APBA1: variants seen among roughly 807,000 people sequenced by gnomAD.
APBA1 encodes amyloid-beta A4 precursor protein-binding family A member 1.
Under a neutral mutation model 86.6 loss-of-function variants are expected in APBA1, and 55 were observed. The observed-to-expected ratio is 0.64, with a 90% CI of 0.51 to 0.80. The LOEUF (loss-of-function observed/expected upper bound fraction) is 0.80, where lower values mean the gene tolerates loss of function less well. Ranked by LOEUF, APBA1 falls within the 30% of genes least tolerant of loss-of-function variation. APBA1 has a pLI of 0.00. For synonymous variants in APBA1, 511 were observed against 493.9 expected, an observed-to-expected ratio of 1.03 and a Z score of -0.46; for missense variants, 1,090 against 1,183.0, an observed-to-expected ratio of 0.92 and a Z score of 1.15.
chr9:69,569,145 A>G (rs1837075923), intron 1 of APBA1, among the ~76,000 whole-genome samples: 1 of 152,214 alleles, frequency 6.6e-6, no homozygotes, highest in African/African-American at 2.4e-5. Flanking sequence ...TTCTTCCCTG[A>G]AAAGGAAAGT....
At chr9:69,511,987 T>C (rs1836053927) in intron 2 of APBA1, among the ~76,000 whole-genome samples, 1 of 151,838 alleles carries the variant, frequency 6.6e-6, no homozygotes, top group Non-Finnish European at 1.5e-5. Flanking sequence ...GACGAGTTAG[T>C]GGGTGCAGCG....
At chr9:69,518,053 T>C (rs1227731439) in intron 1 of APBA1, among the ~76,000 whole-genome samples, 1 of 152,132 alleles carries the variant, frequency 6.6e-6, no homozygotes, top group East Asian at 1.9e-4. Flanking sequence ...TAGCAGCTGG[T>C]TTCTAATAGT....
chr9:69,553,918 T>G (rs568295466), intron 1 of APBA1, among the ~76,000 whole-genome samples: 1 of 152,312 alleles, frequency 6.6e-6, no homozygotes, highest in African/African-American at 2.4e-5. Context: ...TATATGGTCT[T>G]ATTGGTTTTT....
chr9:69,654,920 A>G (rs1387408941), intron 1 of APBA1, among the ~76,000 whole-genome samples: 1 of 152,230 alleles, frequency 6.6e-6, no homozygotes, highest in African/African-American at 2.4e-5. Context: ...ATCAATTAAC[A>G]TGATACGTCA....
At chr9:69,629,754 A>C (rs1823002252) in intron 1 of APBA1, among the ~76,000 whole-genome samples, 1 of 152,204 alleles carries the variant, frequency 6.6e-6, no homozygotes, top group Admixed American at 6.5e-5. Context: ...TACCCCAGTA[A>C]ATGAGACTAT....
chr9:69,522,002 G>A (rs536537806), intron 1 of APBA1, among the ~76,000 whole-genome samples: 1 of 151,564 alleles, frequency 6.6e-6, no homozygotes, highest in African/African-American at 2.4e-5. Context: ...CTTTGTGCCC[G>A]CTGTGCTTTT....
intron 1 of APBA1, among the ~76,000 whole-genome samples, chr9:69,622,953 G>A (rs986496774): frequency 6.6e-6 from 1 of 152,142 alleles, no homozygotes. Context: ...ATTAGCACAG[G>A]CAGCAACAGA....
intron 10 of APBA1, among the ~76,000 whole-genome samples, chr9:69,445,101 G>C (rs189108815): frequency 3.3e-5 from 5 of 152,312 alleles, no homozygotes; most frequent in Admixed American, 2.6e-4. Context: ...GTGTGATACA[G>C]AAAATGTTAC....
chr9:69,541,327 T>C (rs1836608870), intron 1 of APBA1, among the ~76,000 whole-genome samples: 1 of 150,286 alleles, frequency 6.7e-6, no homozygotes, highest in Admixed American at 6.6e-5. Context: ...GGGTTTCCAA[T>C]TTCTCCACAT....
intron 1 of APBA1, among the ~76,000 whole-genome samples, chr9:69,652,575 A>G (rs1436786374): frequency 6.6e-6 from 1 of 152,262 alleles, no homozygotes; most frequent in East Asian, 1.9e-4. Context: ...AGGATCTGCA[A>G]AACAACCAGA....
intron 5 of APBA1, among the ~76,000 whole-genome samples, chr9:69,459,922 G>A (rs1010232649): frequency 2.0e-5 from 3 of 152,196 alleles, no homozygotes; most frequent in Non-Finnish European, 4.4e-5. Flanking sequence ...GCAATTTCTT[G>A]CCTTTTGCTA....
chr9:69,529,452 G>C (rs1244611994), intron 1 of APBA1, among the ~76,000 whole-genome samples: 1 of 152,032 alleles, frequency 6.6e-6, no homozygotes, highest in Non-Finnish European at 1.5e-5. Flanking sequence ...AACAGGAAAA[G>C]AAATATAATG....
intron 1 of APBA1, among the ~76,000 whole-genome samples, chr9:69,569,109 G>A (rs1303788387): frequency 6.6e-6 from 1 of 152,128 alleles, no homozygotes; most frequent in African/African-American, 2.4e-5. Context: ...CATCCGCTAG[G>A]GTTTCCGTTT....
chr9:69,662,021 AACACACACACACAC>A (rs3069250), intron 1 of APBA1, among the ~76,000 whole-genome samples: 1 of 146,644 alleles, frequency 6.8e-6, no homozygotes, highest in Non-Finnish European at 1.5e-5. Flanking sequence ...GACAAACAGT[AACACACACACACAC>A]ACACACACAC....
chr9:69,560,854 CA>C (rs1183053017), intron 1 of APBA1, among the ~76,000 whole-genome samples: 1 of 152,136 alleles, frequency 6.6e-6, no homozygotes, highest in African/African-American at 2.4e-5. Context: ...TGGAGCATTT[CA>C]GATTTAAAAT....
At chr9:69,501,993 T>C (rs895789501) in intron 2 of APBA1, among the ~76,000 whole-genome samples, 16 of 152,204 alleles carry the variant, frequency 1.1e-4, no homozygotes, top group African/African-American at 3.9e-4. Flanking sequence ...AAATCGTCCA[T>C]TTATTTCCCT....
At chr9:69,470,512 G>A (rs943828736) in intron 4 of APBA1, among the ~76,000 whole-genome samples, 1 of 152,124 alleles carries the variant, frequency 6.6e-6, no homozygotes, top group South Asian at 2.1e-4. Flanking sequence ...GAATTTCAGG[G>A]CCTCACAAAA....
At position 69,506,203 on chromosome 9, in the gene APBA1, G is replaced by A. The variant is rs187992197; in HGVS notation, c.1200+9808C>T. On this transcript the variant is annotated intron_variant, in intron 2 of 12. Coordinates refer to ENST00000265381, the MANE Select transcript of APBA1 (RefSeq NM_001163.4). ...TGCCAGACAGTGGGCGCAGGTCAGT[G>A]GGTGCGCGCACCGTGCGCGAGCCAA... 3.2e-3 allele frequency among the ~76,000 whole-genome samples: 486 copies of A among 151,962 alleles called. 3 individuals carry two copies. The highest frequency in any genetic ancestry group is 0.011 in the African/African-American group (459 of 41,418).
intron 10 of APBA1, among the ~76,000 whole-genome samples, chr9:69,445,702 T>C (rs562822834): frequency 1.4e-4 from 22 of 152,286 alleles, no homozygotes; most frequent in African/African-American, 5.1e-4. Context: ...TGGGAATTAA[T>C]TATGACCCAA....
Sources: allele counts gnomAD v4.1 joint callset (sites outside exome capture counted in the v4.1 genomes callset), GRCh38; gene constraint gnomAD v4.1.1; transcripts MANE v1.5; gene names NCBI Gene and HGNC (gene_info 2026-07-23, HGNC 2026-07-21).